Variants in CHD8 observed in about 807,000 individuals in gnomAD.
The protein encoded by CHD8 is chromodomain helicase DNA binding protein 8, also known as ATP-dependent chromatin remodeler CHD8.
A neutral mutation model predicts 279.2 loss-of-function variants in CHD8; 31 were observed. The ratio of observed to expected loss-of-function variants is 0.11; its 90% CI spans 0.08 to 0.15. The LOEUF is 0.15. CHD8 is among the 10% of genes least tolerant of loss of function. The pLI, the probability that CHD8 is intolerant of heterozygous loss-of-function variation, is 1.00. For synonymous variants in CHD8, 1,081 were observed against 1,139.6 expected (o/e 0.95, Z 1.04); for missense variants, 2,146 against 3,230.5 (o/e 0.66, Z 8.14).
rs1246712804 is a variant in CHD8 at position 21,431,850 on chromosome 14, G to A, written c.-207C>T. On this transcript the variant is annotated 5_prime_UTR_variant, in exon 2 of 38. Coordinates refer to ENST00000646647, the MANE Select transcript of CHD8 (RefSeq NM_001170629.2). ...ATGGCTACGTCTTCAGAGGAAGATG[G>A]TGGAACTCCTGTTGTAGGAATACAA... 3 of 1,609,110 alleles carry A rather than the reference G, an allele frequency of 1.9e-6. No individual in the cohort carries two copies. The highest frequency in any genetic ancestry group is 2.6e-6 in the Non-Finnish European group (3 of 1,175,460).
chr14:21,449,018 C>G (rs1268578723), intron 1 of CHD8, among the ~76,000 whole-genome samples: 1 of 151,372 alleles, frequency 6.6e-6, no homozygotes, highest in Non-Finnish European at 1.5e-5. Flanking sequence ...ACTAAAAATA[C>G]AAAAAATTAG....
Position 21,408,817 on chromosome 14 carries a change from C to T in CHD8, c.2373G>A (p.Pro791=), listed in dbSNP as rs61752838. 1.0e-3 allele frequency: 1,679 copies of T among 1,606,732 alleles called. 22 individuals are homozygous for T. The African/African-American group carries it at 0.02, about 19-fold the overall frequency. Residue 791 remains proline (P), a synonymous_variant, in exon 12 of 38, where the codon CCG becomes CCA. Transcript: ENST00000646647. The surrounding 1 kb of genome is among the most constrained non-coding windows in gnomAD (Gnocchi z 4.3). ...RHPELKRVNR[P]QASAWKKLEL... ...CCAATTTCTTCCAGGCACTTGCCTG[C>T]GGACGATTCTAAAAAACAAGACGTT...
chr14:21,451,463 C>T (rs1044017617), intron 1 of CHD8, among the ~76,000 whole-genome samples: 3 of 143,386 alleles, frequency 2.1e-5, no homozygotes, highest in Admixed American at 7.4e-5. Flanking sequence ...CCCAGCTACT[C>T]GGGGAGGCTG....
rs1214478767 is a variant in CHD8 at position 21,391,444 on chromosome 14, G to A, written c.7065+19C>T. On this transcript the variant is annotated intron_variant, in intron 36 of 37. Coordinates refer to ENST00000646647, the MANE Select transcript of CHD8 (RefSeq NM_001170629.2). ...CAAAGGAATGACTTTAAATCTTGCT[G>A]GATGGGACTGCCACTCACCGCTAGA... is the stretch of plus-strand genomic sequence containing the variant. The A allele has an allele frequency of 6.2e-7, 1 of 1,610,272 alleles. No individual in the cohort carries two copies. The highest frequency in any genetic ancestry group is 2.2e-5 in the East Asian group (1 of 44,858).
chr14:21,454,217 G>GAAAAGAAAAGA (rs1187152281), intron 1 of CHD8, among the ~76,000 whole-genome samples: 1 of 145,374 alleles, frequency 6.9e-6, no homozygotes, highest in Non-Finnish European at 1.5e-5. Flanking sequence ...GAAAAGAAAA[G>GAAAAGAAAAGA]AAAACTGACA....
At position 21,394,214 on chromosome 14, in the gene CHD8, G is replaced by A; in HGVS notation, c.5600-19C>T. ...GGGGGTTCTGCAAGAGACAGGAGTA[G>A]AAGAAATTAACAGAGTTGCTTCTGT... On this transcript the variant is annotated intron_variant, in intron 31 of 37. Coordinates refer to ENST00000646647, the MANE Select transcript of CHD8 (RefSeq NM_001170629.2). 6.8e-6 allele frequency: 11 copies of A among 1,610,490 alleles called. No individual in the cohort carries two copies. The highest frequency in any genetic ancestry group is 9.3e-6 in the Non-Finnish European group (11 of 1,177,288).
intron 9 of CHD8, 130 bp downstream of exon 9, chr14:21,414,171 C>T (rs1056682465): frequency 9.7e-5 from 59 of 607,418 alleles, no homozygotes; most frequent in Non-Finnish European, 1.6e-4. Flanking sequence ...AAGTCAATGA[C>T]CAAAATTGAA....
intron 5 of CHD8, among the ~76,000 whole-genome samples, chr14:21,424,275 T>G (rs990731840): frequency 1.3e-5 from 2 of 152,234 alleles, no homozygotes; most frequent in African/African-American, 4.8e-5. Context: ...TTTTCCCTGT[T>G]GATTTTAAAT....
intron 37 of CHD8, among the ~76,000 whole-genome samples, chr14:21,388,736 A>G (rs1887393174): frequency 6.6e-6 from 1 of 152,120 alleles, no homozygotes; most frequent in Non-Finnish European, 1.5e-5. Flanking sequence ...CTCTTGCCTC[A>G]GCCTCCCAAA....
intron 1 of CHD8, among the ~76,000 whole-genome samples, chr14:21,438,512 TAAAAAAAAA>T (rs559681631): frequency 1.3e-4 from 15 of 112,508 alleles, no homozygotes; most frequent in African/African-American, 4.5e-4. Flanking sequence ...CCTAGTCTCT[TAAAAAAAAA>T]AAAAAAAAAA....
At chr14:21,411,328 T>C (rs1888483917) in intron 10 of CHD8, among the ~76,000 whole-genome samples, 1 of 152,154 alleles carries the variant, frequency 6.6e-6, no homozygotes, top group Non-Finnish European at 1.5e-5. Flanking sequence ...TGAAGCATGC[T>C]TGTTAGGATT....
At chr14:21,451,960 T>G (rs1387552636) in intron 1 of CHD8, among the ~76,000 whole-genome samples, 1 of 152,170 alleles carries the variant, frequency 6.6e-6, no homozygotes, top group Admixed American at 6.5e-5. Context: ...ACTTTAGAGT[T>G]TCATTTAAAG....
chr14:21,414,059 T>C (rs974132259), intron 9 of CHD8: 3 of 406,788 alleles, frequency 7.4e-6, no homozygotes, highest in Admixed American at 8.3e-5. Context: ...GTTTTGAAAA[T>C]ACTTCATGTG....
chr14:21,453,302 A>G (rs1018799987), intron 1 of CHD8, among the ~76,000 whole-genome samples: 1 of 151,986 alleles, frequency 6.6e-6, no homozygotes, highest in Non-Finnish European at 1.5e-5. Flanking sequence ...CTAAAAATAC[A>G]GAAATTACAT....
At chr14:21,417,114 AT>A (rs1888758299) in intron 5 of CHD8, among the ~76,000 whole-genome samples, 1 of 152,140 alleles carries the variant, frequency 6.6e-6, no homozygotes, top group Admixed American at 6.5e-5. Context: ...AAAATGTTAT[AT>A]TTTTGTTTCA....
intron 37 of CHD8, among the ~76,000 whole-genome samples, chr14:21,387,088 T>G (rs1220505577): frequency 6.6e-6 from 1 of 152,236 alleles, no homozygotes; most frequent in Non-Finnish European, 1.5e-5. Flanking sequence ...AATGGCTTCT[T>G]CTAGATGTTC....
At chr14:21,386,493 T>C (rs1490269713) in intron 37 of CHD8, 6 of 383,076 alleles carry the variant, frequency 1.6e-5, no homozygotes, top group Non-Finnish European at 2.9e-5. Context: ...ATGCTTACCT[T>C]TGTTAAGAAG....
chr14:21,397,349 C>G lies in CHD8; in HGVS notation c.5051+474G>C, dbSNP rs188164714. 2,406 of 518,836 alleles carry G rather than the reference C, an allele frequency of 4.6e-3. 12 individuals carry two copies. The highest frequency in any genetic ancestry group is 6.4e-3 in the Admixed American group (329 of 51,592). The allele number at this position is 518,836 out of a possible 1,614,324, so 32.1% of individuals were successfully genotyped here. On this transcript the variant is annotated intron_variant, in intron 27 of 37. Transcript: ENST00000646647. ...AAACTCACTGGCACCCAAACCAGGG[C>G]AACACTGCCCTACCTGGTGGCTCAG...
intron 1 of CHD8, among the ~76,000 whole-genome samples, chr14:21,435,954 T>C (rs1182765213): frequency 6.6e-6 from 1 of 152,186 alleles, no homozygotes; most frequent in East Asian, 1.9e-4. Context: ...TTATGATGGA[T>C]GAGAAACACT....
Sources: gnomAD v4.1 joint callset for allele counts (sites outside exome capture counted in the v4.1 genomes callset) on GRCh38, gnomAD v4.1.1 for gene constraint, Gnocchi (gnomAD v3.1) non-coding constraint, MANE v1.5 for transcripts, NCBI Gene and HGNC (gene_info 2026-07-23, HGNC 2026-07-21) for gene names.